MROH7: variants seen among roughly 807,000 people sequenced by gnomAD.
The protein encoded by MROH7 is maestro heat-like repeat-containing protein family member 7.
In MROH7, 113 loss-of-function variants were observed where a neutral mutation model predicts 129.2. The ratio of observed to expected loss-of-function variants is 0.87; its 90% CI spans 0.75 to 1.02. MROH7 has a LOEUF of 1.02. Among genes scored for constraint, MROH7 ranks in the 50% least tolerant of loss-of-function variants. MROH7 has a pLI of 0.00. For missense variants in MROH7, 1,601 were observed against 1,671.3 expected (o/e 0.96, Z 0.73); for synonymous variants, 655 against 667.9 (o/e 0.98, Z 0.30).
At chr1:54,668,438 G>A (rs1055258439) in intron 4 of MROH7, among the ~76,000 whole-genome samples, 1 of 152,164 alleles carries the variant, frequency 6.6e-6, no homozygotes, top group African/African-American at 2.4e-5. Flanking sequence ...AGAACGGAGA[G>A]ATTAGTTGGA....
intron 17 of MROH7, 194 bp downstream of exon 17, chr1:54,695,684 A>C (rs1645310845): frequency 1.6e-6 from 1 of 627,630 alleles, no homozygotes; most frequent in Admixed American, 2.2e-5. Flanking sequence ...ACTCCATTCC[A>C]CTCTTAACCA....
chr1:54,657,421 CA>C (rs1644666737), intron 3 of MROH7, among the ~76,000 whole-genome samples: 2 of 152,132 alleles, frequency 1.3e-5, no homozygotes, highest in Non-Finnish European at 2.9e-5. Context: ...CTCTGTCACA[CA>C]GGCTGGAGTG....
Position 54,653,839 on chromosome 1 carries a change from A to G in MROH7, c.913A>G (p.Ser305Gly), listed in dbSNP as rs1347648096. Residue 305 changes from serine (S) to glycine (G), a missense_variant, in exon 3 of 24, where the codon AGC becomes GGC. By Grantham distance (56) the Ser-to-Gly change is moderately conservative. Coordinates refer to ENST00000421030, the MANE Select transcript of MROH7 (RefSeq NM_001039464.4). ...GTATGTGACCCTGATTCCTGGCTCC[A>G]GCTATGGTATCAGCCTGCACTCCAG... is the stretch of plus-strand genomic sequence containing the variant. ...ASYVTLIPGS[S>G]YGISLHSSTH... 1 of 1,613,992 alleles carries G rather than the reference A, an allele frequency of 6.2e-7. No individual in the cohort carries two copies. The highest frequency in any genetic ancestry group is 8.5e-7 in the Non-Finnish European group (1 of 1,179,980).
At position 54,661,944 on chromosome 1, in the gene MROH7, A is replaced by G. The variant is rs151304985; in HGVS notation, c.1232-3223A>G. On this transcript the variant is annotated intron_variant, in intron 3 of 23. Transcript: ENST00000421030. ...TTAAAAAACCAACCTAGGGCTGGGC[A>G]TGGTGGCTCACACCTGTAATACATA... Among the ~76,000 whole-genome samples, 690 of 152,168 alleles carry G rather than the reference A, an allele frequency of 4.5e-3. 5 individuals carry two copies. The highest frequency in any genetic ancestry group is 0.016 in the African/African-American group (664 of 41,542).
chr1:54,684,904 C>T (rs569287954), intron 14 of MROH7, among the ~76,000 whole-genome samples: 3 of 152,324 alleles, frequency 2.0e-5, no homozygotes, highest in African/African-American at 7.2e-5. Flanking sequence ...TTATTGTTCT[C>T]ATTCAGCCCA....
At chr1:54,678,148 A>G (rs1168410038) in intron 10 of MROH7, among the ~76,000 whole-genome samples, 1 of 152,208 alleles carries the variant, frequency 6.6e-6, no homozygotes, top group Non-Finnish European at 1.5e-5. Context: ...GTTTGGCAAT[A>G]TCTTCTGTAG....
At chr1:54,664,832 T>A (rs1644785936) in intron 3 of MROH7, among the ~76,000 whole-genome samples, 1 of 151,952 alleles carries the variant, frequency 6.6e-6, no homozygotes, top group East Asian at 1.9e-4. Context: ...GCCAACATGG[T>A]GAAACCCCAT....
Position 54,695,551 on chromosome 1 carries a change from T to C in MROH7, c.2964+61T>C, listed in dbSNP as rs1410682325. On this transcript the variant is annotated intron_variant, in intron 17 of 23. Coordinates refer to ENST00000421030, the MANE Select transcript of MROH7 (RefSeq NM_001039464.4). ...CCTCCCGGGCCTCGGTTCACGTCACTGGTCATTTCTCCTATGTAAACAGTA... is the reference window on the plus strand; with the variant it reads ...CCTCCCGGGCCTCGGTTCACGTCACCGGTCATTTCTCCTATGTAAACAGTA... 3 of 1,003,658 alleles carry C rather than the reference T, an allele frequency of 3.0e-6. No homozygotes were observed. The Admixed American group carries it at 5.7e-5, about 19-fold the overall frequency. 62.2% of individuals were successfully genotyped at this position (1,003,658 alleles called of 1,614,324 possible).
chr1:54,673,011 C>T lies in MROH7; in HGVS notation c.1600-80C>T, dbSNP rs200084249. 6.8e-5 allele frequency: 68 copies of T among 997,780 alleles called. No individual in the cohort carries two copies. The East Asian group carries it at 1.6e-3, about 24-fold the overall frequency. 61.8% of individuals were successfully genotyped at this position (997,780 alleles called of 1,614,324 possible). A position where few individuals can be genotyped will look rare whatever the true frequency, so the allele number is the denominator to read the frequency against. ...CTGGGTCTTAATTCCCCCTCCTCCC[C>T]TGACCTACACCAGGGGCCGCCTGGG... On this transcript the variant is annotated intron_variant, in intron 7 of 23. Transcript: ENST00000421030.
At chr1:54,647,475 C>T (rs1211466940) in intron 1 of MROH7, among the ~76,000 whole-genome samples, 1 of 152,024 alleles carries the variant, frequency 6.6e-6, no homozygotes, top group Non-Finnish European at 1.5e-5. Flanking sequence ...CATGGTGGCT[C>T]ACGCCTGTAA....
intron 22 of MROH7, among the ~76,000 whole-genome samples, chr1:54,707,039 A>C (rs1369731357): frequency 6.6e-6 from 1 of 152,200 alleles, no homozygotes; most frequent in Non-Finnish European, 1.5e-5. Context: ...TATTTTTTAA[A>C]AGGGGAGGGA....
At chr1:54,690,211 C>T (rs920212120) in intron 15 of MROH7, among the ~76,000 whole-genome samples, 1 of 151,474 alleles carries the variant, frequency 6.6e-6, no homozygotes, top group Non-Finnish European at 1.5e-5. Context: ...TATTTTTTCA[C>T]GAAGCAGCAC....
chr1:54,683,667 C>T (rs1037173571), intron 14 of MROH7, among the ~76,000 whole-genome samples: 1 of 152,188 alleles, frequency 6.6e-6, no homozygotes, highest in African/African-American at 2.4e-5. Flanking sequence ...GGCTTCCCCA[C>T]GCTCCATGGT....
At chr1:54,682,956 C>T (rs888773605) in intron 14 of MROH7, among the ~76,000 whole-genome samples, 162 bp downstream of exon 14, 1 of 152,184 alleles carries the variant, frequency 6.6e-6, no homozygotes, top group Non-Finnish European at 1.5e-5. Context: ...GTCTGTGGTT[C>T]ACTGGACAAT....
At chr1:54,699,150 C>CTGTCTTTCT (rs1645381494) in intron 17 of MROH7, 1 of 78,730 alleles carries the variant, frequency 1.3e-5, no homozygotes, top group Non-Finnish European at 2.7e-5. Flanking sequence ...TTCTTTCTTT[C>CTGTCTTTCT]TTTCTTTCTT....
At chr1:54,693,288 G>A (rs1340620536) in intron 16 of MROH7, among the ~76,000 whole-genome samples, 3 of 152,200 alleles carry the variant, frequency 2.0e-5, no homozygotes, top group East Asian at 1.9e-4. Context: ...CATCTCTACC[G>A]AAAATACAAA....
intron 4 of MROH7, chr1:54,665,836 GGCAGGTCCTGCCT>G (rs1644805310): frequency 6.5e-6 from 1 of 152,990 alleles, no homozygotes; most frequent in African/African-American, 2.4e-5. Flanking sequence ...ACATGCAGGA[GGCAGGTCCTGCCT>G]GCAGGCTGCT....
intron 15 of MROH7, among the ~76,000 whole-genome samples, chr1:54,690,764 A>G (rs1027121962): frequency 6.6e-6 from 1 of 152,168 alleles, no homozygotes; most frequent in East Asian, 1.9e-4. Flanking sequence ...TTTGGCCTAA[A>G]TACATATTCA....
chr1:54,644,180 G>C (rs1644427562), intron 1 of MROH7, among the ~76,000 whole-genome samples: 1 of 137,328 alleles, frequency 7.3e-6, no homozygotes, highest in African/African-American at 2.7e-5. Context: ...GAACTCTGAT[G>C]ATATAAACAT....
Sources: allele counts gnomAD v4.1 joint callset (sites outside exome capture counted in the v4.1 genomes callset), GRCh38; gene constraint gnomAD v4.1.1; transcripts MANE v1.5; gene names NCBI Gene and HGNC (gene_info 2026-07-23, HGNC 2026-07-21).